The following IL1RAPL2 variants were observed in gnomAD, a reference collection of about 807,000 sequenced individuals.
The protein encoded by IL1RAPL2 is X-linked interleukin-1 receptor accessory protein-like 2.
Under a neutral mutation model 44.1 loss-of-function variants are expected in IL1RAPL2, and 3 were observed. The ratio of observed to expected loss-of-function variants is 0.07; its 90% CI spans 0.03 to 0.18. The LOEUF is 0.18. Ranked by LOEUF, IL1RAPL2 falls within the 10% of genes least tolerant of loss-of-function variation. The pLI is 1.00. For missense variants in IL1RAPL2, 391 were observed against 496.4 expected (o/e 0.79, Z 2.02); for synonymous variants, 181 against 178.8 (o/e 1.01, Z -0.10).
At chrX:104,695,605 G>A (rs1218083620) in intron 2 of IL1RAPL2, among the ~76,000 whole-genome samples, 1 of 110,392 alleles carries the variant, frequency 9.1e-6, no homozygotes, top group East Asian at 2.9e-4. Flanking sequence ...AGCCAGGTGG[G>A]CCAGGTAGAT....
intron 2 of IL1RAPL2, among the ~76,000 whole-genome samples, chrX:104,840,711 G>T (rs1250277213): frequency 9.9e-6 from 1 of 100,697 alleles, no homozygotes; most frequent in Non-Finnish European, 2.0e-5. Context: ...TTTCACTCTT[G>T]TTGCCCAGGC....
chrX:104,696,176 A>T (rs1931180154), intron 2 of IL1RAPL2, among the ~76,000 whole-genome samples: 1 of 112,215 alleles, frequency 8.9e-6, no homozygotes, highest in South Asian at 3.7e-4. Context: ...TACAGGGCTA[A>T]TTAACAGTAG....
Position 104,658,975 on chromosome X carries a change from T to C in IL1RAPL2, c.62T>C (p.Met21Thr), listed in dbSNP as rs1930334023. The change falls in exon 2 of 11, where the codon ATG becomes ACG. Residue 21 changes from methionine to threonine, a missense_variant. By Grantham distance (81) the Met-to-Thr change is moderately conservative. Coordinates refer to ENST00000372582, the MANE Select transcript of IL1RAPL2 (RefSeq NM_017416.2). ...TCTGTAGTCAGCACAAATCTGAAGATGGTGTCAAAGAGAAATTCTGGTAAG... is the reference window on the plus strand; with the variant it reads ...TCTGTAGTCAGCACAAATCTGAAGACGGTGTCAAAGAGAAATTCTGGTAAG... ...VCSVVSTNLKMVSKRNSVDGC... is the reference protein window; with the variant it reads ...VCSVVSTNLKTVSKRNSVDGC... 2.5e-6 allele frequency: 3 copies of C among 1,203,213 alleles called. No individual in the cohort carries two copies. In the African/African-American group the frequency reaches 5.3e-5, roughly 21 times the overall value.
chrX:105,715,326 T>C (rs1194384527), intron 6 of IL1RAPL2, among the ~76,000 whole-genome samples: 1 of 112,046 alleles, frequency 8.9e-6, no homozygotes, highest in Non-Finnish European at 1.9e-5. Context: ...ATAAACTCTA[T>C]GTTTAACTCC....
At chrX:104,741,112 A>T (rs773282074) in intron 2 of IL1RAPL2, among the ~76,000 whole-genome samples, 32 of 111,639 alleles carry the variant, frequency 2.9e-4, no homozygotes, top group Non-Finnish European at 5.7e-4. Flanking sequence ...AATAAGATTC[A>T]TACTTACCAA....
At chrX:105,693,333 G>A (rs910603394) in intron 6 of IL1RAPL2, among the ~76,000 whole-genome samples, 5 of 111,708 alleles carry the variant, frequency 4.5e-5, no homozygotes, top group Non-Finnish European at 7.5e-5. Context: ...TCATGGGGGC[G>A]AATCCCTCGT....
At chrX:105,070,908 T>A (rs1379289288) in intron 2 of IL1RAPL2, among the ~76,000 whole-genome samples, 1 of 110,947 alleles carries the variant, frequency 9.0e-6, no homozygotes, top group Non-Finnish European at 1.9e-5. Context: ...GATGTTTCTT[T>A]GCATCCACTA....
chrX:105,539,767 A>G (rs1382604769), intron 6 of IL1RAPL2, among the ~76,000 whole-genome samples: 2 of 111,918 alleles, frequency 1.8e-5, no homozygotes, highest in Non-Finnish European at 3.8e-5. Flanking sequence ...TTTGCAAACT[A>G]TACCTCTGAA....
intron 2 of IL1RAPL2, among the ~76,000 whole-genome samples, chrX:104,944,892 C>T (rs952410803): frequency 2.7e-5 from 3 of 111,873 alleles, no homozygotes; most frequent in African/African-American, 9.7e-5. Context: ...CAGCTACTAA[C>T]TAACTTTGTG....
At chrX:105,636,519 A>G (rs187567361) in intron 6 of IL1RAPL2, among the ~76,000 whole-genome samples, 3 of 111,513 alleles carry the variant, frequency 2.7e-5, no homozygotes, top group East Asian at 5.6e-4. Flanking sequence ...AAAAATTTAC[A>G]ACCCCCCACC....
At chrX:105,367,634 G>A (rs963215846) in intron 5 of IL1RAPL2, among the ~76,000 whole-genome samples, 2 of 111,354 alleles carry the variant, frequency 1.8e-5, no homozygotes, top group Non-Finnish European at 3.8e-5. Flanking sequence ...CACACTCTAC[G>A]TTTTATGCCT....
chrX:105,421,111 G>C (rs1438020204), intron 5 of IL1RAPL2, among the ~76,000 whole-genome samples: 1 of 111,850 alleles, frequency 8.9e-6, no homozygotes, highest in East Asian at 2.8e-4. Flanking sequence ...ATACATTTTA[G>C]AGACATGTGA....
intron 2 of IL1RAPL2, among the ~76,000 whole-genome samples, chrX:105,008,987 C>T (rs920220619): frequency 2.7e-5 from 3 of 112,107 alleles, no homozygotes; most frequent in Non-Finnish European, 5.6e-5. Context: ...AGCCAACAAA[C>T]ACATGAAAAA....
chrX:105,731,938 A>C (rs1257115924), intron 7 of IL1RAPL2, among the ~76,000 whole-genome samples: 1 of 111,562 alleles, frequency 9.0e-6, no homozygotes, highest in Non-Finnish European at 1.9e-5. Context: ...AAATAGCTGA[A>C]AGTGAGGACT....
At chrX:105,332,813 G>A (rs1343513234) in intron 5 of IL1RAPL2, among the ~76,000 whole-genome samples, 2 of 111,375 alleles carry the variant, frequency 1.8e-5, no homozygotes, top group Non-Finnish European at 3.8e-5. Context: ...AACCAAATAA[G>A]TAGAAGTTCT....
At chrX:105,274,028 C>CA (rs1467621102) in intron 5 of IL1RAPL2, among the ~76,000 whole-genome samples, 3 of 111,797 alleles carry the variant, frequency 2.7e-5, no homozygotes, top group Non-Finnish European at 5.6e-5. Context: ...CACCACCAGG[C>CA]AAAAAACTGC....
At chrX:104,656,921 A>C (rs769760223) in intron 1 of IL1RAPL2, among the ~76,000 whole-genome samples, 1 of 110,747 alleles carries the variant, frequency 9.0e-6, no homozygotes, top group Admixed American at 9.6e-5. Context: ...TCCCTTTACC[A>C]TTACGTAATG....
chrX:104,940,505 T>C (rs768931841), intron 2 of IL1RAPL2, among the ~76,000 whole-genome samples: 2 of 111,523 alleles, frequency 1.8e-5, no homozygotes, highest in Admixed American at 9.6e-5. Context: ...CACTAGAAGA[T>C]ACTTGGGAGA....
At chrX:104,585,286 A>AATATATATATTATATATTATATAAT (rs376947977) in intron 1 of IL1RAPL2, among the ~76,000 whole-genome samples, 1 of 22,206 alleles carries the variant, frequency 4.5e-5, no homozygotes, top group African/African-American at 2.8e-4. Context: ...TATATTATAT[A>AATATATATATTATATATTATATAAT]ATATATTATA....
Sources: gnomAD v4.1 joint callset for allele counts (sites outside exome capture counted in the v4.1 genomes callset) on GRCh38, gnomAD v4.1.1 for gene constraint, MANE v1.5 for transcripts, NCBI Gene and HGNC (gene_info 2026-07-23, HGNC 2026-07-21) for gene names.